STMND1: variants seen among roughly 807,000 people sequenced by gnomAD.
STMND1 encodes the protein stathmin domain containing 1, also known as stathmin domain-containing protein 1.
Under a neutral mutation model 23.0 loss-of-function variants are expected in STMND1, and 17 were observed. The observed-to-expected ratio is 0.74, with a 90% CI of 0.51 to 1.11. The LOEUF (loss-of-function observed/expected upper bound fraction) is 1.11, where lower values mean the gene tolerates loss of function less well. Among genes scored for constraint, STMND1 ranks in the 50% least tolerant of loss-of-function variants. The pLI is 0.00. For synonymous variants in STMND1, 114 were observed against 119.9 expected, an observed-to-expected ratio of 0.95 and a Z score of 0.32; for missense variants, 305 against 329.1, an observed-to-expected ratio of 0.93 and a Z score of 0.57.
chr6:17,114,933 A>G, intron 1 of STMND1, 29 bp from the exon 2 acceptor site: 1 of 1,488,896 alleles, frequency 6.7e-7, no homozygotes, highest in East Asian at 2.5e-5. Flanking sequence ...AGAAATCTTG[A>G]CTCTAACAAA....
chr6:17,107,795 A>G (rs1199164298), intron 1 of STMND1, among the ~76,000 whole-genome samples: 1 of 152,192 alleles, frequency 6.6e-6, no homozygotes, highest in African/African-American at 2.4e-5. Context: ...GAGTTTGGCC[A>G]TGTTGCCAAG....
intron 3 of STMND1, among the ~76,000 whole-genome samples, chr6:17,122,907 AT>A (rs1761251370): frequency 1.3e-5 from 2 of 152,110 alleles, no homozygotes; most frequent in African/African-American, 4.8e-5. Flanking sequence ...GAGAGGAAAG[AT>A]TTTTTTCTAG....
At chr6:17,111,363 A>C (rs1761094825) in intron 1 of STMND1, among the ~76,000 whole-genome samples, 1 of 152,216 alleles carries the variant, frequency 6.6e-6, no homozygotes, top group African/African-American at 2.4e-5. Context: ...GCATATCCAC[A>C]TCCAGGAATG....
chr6:17,121,901 C>T, intron 3 of STMND1, among the ~76,000 whole-genome samples: 1 of 144,090 alleles, frequency 6.9e-6, no homozygotes. Flanking sequence ...CTTGCTTTGT[C>T]ACCCAGGCTA....
rs1348334184 is a variant in STMND1 at position 17,126,034 on chromosome 6, T to TTTTATATATATATA, written c.412-3077_412-3076insTTATATATATATAT. Reference sequence around the variant, plus strand: ...CTCTAAGCATAAGGTGATCATTGTTTTATATATATATATATATATATATAT... The same window carrying TTTTATATATATATA: ...CTCTAAGCATAAGGTGATCATTGTTTTTTATATATATATATATATATATATATATATATATATAT... On this transcript the variant is annotated intron_variant, in intron 3 of 4. Coordinates refer to ENST00000536551, the MANE Select transcript of STMND1 (RefSeq NM_001190766.2). 5.0e-4 allele frequency among the ~76,000 whole-genome samples: 21 copies of TTTTATATATATATA among 42,010 alleles called. 1 individual carries two copies. Among genetic ancestry groups the TTTTATATATATATA allele is most frequent in the African/African-American group, 2.5e-3 (20 of 7,912 alleles). 27.6% of individuals were successfully genotyped at this position (42,010 alleles called of 152,430 possible).
chr6:17,129,769 G>A (rs927011173), intron 4 of STMND1, among the ~76,000 whole-genome samples: 6 of 152,092 alleles, frequency 3.9e-5, no homozygotes, highest in East Asian at 2.0e-4. Flanking sequence ...GCGTGAACCC[G>A]GGAGGCAGAG....
intron 3 of STMND1, among the ~76,000 whole-genome samples, chr6:17,122,334 A>C (rs1295324454): frequency 6.6e-6 from 1 of 152,160 alleles, no homozygotes; most frequent in Non-Finnish European, 1.5e-5. Flanking sequence ...AGCGAAAAAA[A>C]AAGAAATAAC....
In STMND1 at chr6:17,115,001, C is replaced by A; in HGVS notation, c.121C>A (p.Pro41Thr). Residue 41 changes from proline to threonine, a missense_variant, in exon 2 of 5, where the codon CCC becomes ACC. Transcript: ENST00000536551. ...SVPHTGENCS[P>T]RMEAALTKNT... ...GCCTCATACTGGGGAAAATTGCAGC[C>A]CCCGGATGGAAGCTGCTCTGACCAA... 6.5e-7 allele frequency: 1 copy of A among 1,533,046 alleles called. No homozygotes were observed. The highest frequency in any genetic ancestry group is 2.0e-5 in the Admixed American group (1 of 50,606). 95.0% of individuals were successfully genotyped at this position (1,533,046 alleles called of 1,614,324 possible).
At chr6:17,110,548 T>C (rs1581367393) in intron 1 of STMND1, 1 of 278,118 alleles carries the variant, frequency 3.6e-6, no homozygotes, top group East Asian at 9.4e-5. Context: ...GGTGGGCAGA[T>C]CACGAGGTCA....
chr6:17,114,813 G>A (rs1761136477), intron 1 of STMND1, 149 bp from the exon 2 acceptor site: 1 of 764,074 alleles, frequency 1.3e-6, no homozygotes, highest in Non-Finnish European at 2.0e-6. Context: ...TGTGGCCCAG[G>A]GGGTTGGGGA....
At chr6:17,118,762 A>G (rs1167232586) in intron 2 of STMND1, among the ~76,000 whole-genome samples, 1 of 152,190 alleles carries the variant, frequency 6.6e-6, no homozygotes, top group African/African-American at 2.4e-5. Context: ...GACAGTTGAG[A>G]GTATGAGTGT....
At position 17,130,920 on chromosome 6, in the gene STMND1, C is replaced by T. The variant is rs988198285; in HGVS notation, c.*39C>T. The T allele has an allele frequency of 2.7e-5, 40 of 1,464,478 alleles. No individual in the cohort carries two copies. Among genetic ancestry groups the T allele is most frequent in the Non-Finnish European group, 3.6e-5 (40 of 1,105,100 alleles). The allele number at this position is 1,464,478 out of a possible 1,614,324, so 90.7% of individuals were successfully genotyped here. ...AATTTCATAAGAAAGCATTCATTCT[C>T]CCCATTTGTGACATTTGTAGTATGT... On this transcript the variant is annotated 3_prime_UTR_variant, in exon 5 of 5. Coordinates refer to ENST00000536551, the MANE Select transcript of STMND1 (RefSeq NM_001190766.2).
chr6:17,130,857 C>G lies in STMND1; in HGVS notation c.807C>G (p.Asn269Lys). 6.5e-7 allele frequency: 1 copy of G among 1,530,982 alleles called. No homozygotes were observed. Among genetic ancestry groups the G allele is most frequent in the Non-Finnish European group, 8.7e-7 (1 of 1,143,548 alleles). 94.8% of individuals were successfully genotyped at this position (1,530,982 alleles called of 1,614,324 possible). ...FGVVESDMSY[N>K]QADDIVY ...TCGTGGAGTCAGACATGTCCTACAA[C>G]CAAGCAGATGACATAGTCTACTAAG... Residue 269 changes from asparagine (N) to lysine (K), a missense_variant, in exon 5 of 5, where the codon AAC becomes AAG. Coordinates refer to ENST00000536551, the MANE Select transcript of STMND1 (RefSeq NM_001190766.2).
intron 4 of STMND1, among the ~76,000 whole-genome samples, chr6:17,129,813 C>T (rs940963951): frequency 6.6e-6 from 1 of 151,664 alleles, no homozygotes; most frequent in African/African-American, 2.4e-5. Flanking sequence ...CACTGCACCC[C>T]AGCCTGGGTG....
At chr6:17,129,449 G>T (rs1325194529) in intron 4 of STMND1, among the ~76,000 whole-genome samples, 1 of 151,394 alleles carries the variant, frequency 6.6e-6, no homozygotes, top group East Asian at 2.0e-4. Flanking sequence ...AGAGCTCACT[G>T]CAATCTTGAA....
At chr6:17,107,115 A>G (rs1355325092) in intron 1 of STMND1, among the ~76,000 whole-genome samples, 3 of 152,184 alleles carry the variant, frequency 2.0e-5, no homozygotes, top group Non-Finnish European at 2.9e-5. Context: ...TTCTTCTTAT[A>G]TGTCTATAGA....
Position 17,129,901 on chromosome 6 carries a change from G to T in STMND1, c.543+658G>T, listed in dbSNP as rs530418873. Among the ~76,000 whole-genome samples, 10 of 152,214 alleles carry T rather than the reference G, an allele frequency of 6.6e-5. No homozygotes were observed. In the East Asian group the frequency reaches 1.9e-3, roughly 30 times the overall value. On this transcript the variant is annotated intron_variant, in intron 4 of 4. Coordinates refer to ENST00000536551, the MANE Select transcript of STMND1 (RefSeq NM_001190766.2). ...GGGGTCTCATTATGTAGCCCAGGCT[G>T]GTCTTAAATTTCTGGCCTCAAATGA...
intron 1 of STMND1, among the ~76,000 whole-genome samples, chr6:17,114,684 G>A (rs1761135152): frequency 6.6e-6 from 1 of 152,210 alleles, no homozygotes; most frequent in Admixed American, 6.5e-5. Flanking sequence ...GCGGAGCTCT[G>A]GGGGTAATGT....
chr6:17,112,606 T>C (rs1234163073), intron 1 of STMND1, among the ~76,000 whole-genome samples: 2 of 152,000 alleles, frequency 1.3e-5, no homozygotes, highest in East Asian at 1.9e-4. Context: ...TGAAACTCCG[T>C]CTCTACTAAA....
Sources: allele counts gnomAD v4.1 joint callset (sites outside exome capture counted in the v4.1 genomes callset), GRCh38; gene constraint gnomAD v4.1.1; transcripts MANE v1.5; gene names NCBI Gene and HGNC (gene_info 2026-07-23, HGNC 2026-07-21).